The following KCNT2 variants were observed in gnomAD, a reference collection of about 807,000 sequenced individuals.
The protein encoded by KCNT2 is potassium channel subfamily T member 2.
A neutral mutation model predicts 153.8 loss-of-function variants in KCNT2; 67 were observed. The observed-to-expected ratio is 0.44, with a 90% CI of 0.36 to 0.53. KCNT2 has a LOEUF of 0.53. Among genes scored for constraint, KCNT2 ranks in the 20% least tolerant of loss-of-function variants. The pLI is 0.00. For missense variants in KCNT2, 975 were observed against 1,354.8 expected (o/e 0.72, Z 4.40); for synonymous variants, 500 against 458.8 (o/e 1.09, Z -1.15).
chr1:196,308,663 G>A lies in KCNT2; in HGVS notation c.2484-3318C>T, dbSNP rs188388292. ...TTAGTTTATAGATGAGGAAACTGAG[G>A]ACCAAAGAGACAAAATAGTATGTTC... On this transcript the variant is annotated intron_variant, in intron 21 of 27. Coordinates refer to ENST00000294725, the MANE Select transcript of KCNT2 (RefSeq NM_198503.5). Among the ~76,000 whole-genome samples, 3 of 152,022 alleles carry A rather than the reference G, an allele frequency of 2.0e-5. No homozygotes were observed. The South Asian group carries it at 6.2e-4, about 32-fold the overall frequency.
intron 1 of KCNT2, among the ~76,000 whole-genome samples, chr1:196,561,675 A>AAAAAAAAAAG (rs1553254846): frequency 2.7e-5 from 1 of 36,470 alleles, no homozygotes; most frequent in African/African-American, 4.2e-5. Flanking sequence ...AAAAAAAAAA[A>AAAAAAAAAAG]AAGAAGAAGA....
chr1:196,260,840 G>A (rs2147788742), intron 25 of KCNT2, among the ~76,000 whole-genome samples: 1 of 151,790 alleles, frequency 6.6e-6, no homozygotes, highest in East Asian at 1.9e-4. Flanking sequence ...GATAATAACA[G>A]CCATCTTCTA....
At chr1:196,580,606 C>T (rs1661917509) in intron 1 of KCNT2, among the ~76,000 whole-genome samples, 1 of 152,112 alleles carries the variant, frequency 6.6e-6, no homozygotes, top group Non-Finnish European at 1.5e-5. Context: ...ATACTCATTA[C>T]TCAGTTCTGA....
intron 1 of KCNT2, among the ~76,000 whole-genome samples, chr1:196,493,973 A>G (rs1680053499): frequency 6.6e-6 from 1 of 152,204 alleles, no homozygotes; most frequent in South Asian, 2.1e-4. Context: ...GTTCTCTAGA[A>G]GTTCTAAAGA....
chr1:196,360,001 T>A (rs1667489150), intron 14 of KCNT2, among the ~76,000 whole-genome samples: 1 of 152,054 alleles, frequency 6.6e-6, no homozygotes, highest in Non-Finnish European at 1.5e-5. Flanking sequence ...AGCATGGGAC[T>A]GCCAGACAAG....
chr1:196,511,560 A>C (rs1280643318), intron 1 of KCNT2, among the ~76,000 whole-genome samples: 1 of 152,160 alleles, frequency 6.6e-6, no homozygotes, highest in Admixed American at 6.5e-5. Flanking sequence ...TGCTATAGCA[A>C]AATAACATAG....
intron 26 of KCNT2, among the ~76,000 whole-genome samples, chr1:196,251,725 G>A (rs985064019): frequency 6.6e-6 from 1 of 151,742 alleles, no homozygotes; most frequent in Non-Finnish European, 1.5e-5. Flanking sequence ...AATTTATTGT[G>A]CATTTAAAAA....
intron 1 of KCNT2, among the ~76,000 whole-genome samples, chr1:196,500,563 G>A (rs976571611): frequency 6.6e-6 from 1 of 152,128 alleles, no homozygotes; most frequent in African/African-American, 2.4e-5. Context: ...ATAAATAGTG[G>A]GACATGTTTG....
intron 26 of KCNT2, among the ~76,000 whole-genome samples, chr1:196,249,167 C>T (rs1403116888): frequency 2.0e-5 from 3 of 151,974 alleles, no homozygotes; most frequent in South Asian, 4.2e-4. Flanking sequence ...CACAATAAAA[C>T]CATAACAACA....
At chr1:196,353,950 T>C (rs1469522690) in intron 14 of KCNT2, among the ~76,000 whole-genome samples, 4 of 152,054 alleles carry the variant, frequency 2.6e-5, no homozygotes, top group Admixed American at 6.6e-5. Flanking sequence ...GCATACTCTG[T>C]TCTTATTTCA....
chr1:196,284,279 A>ATATATATATATATATACT (rs1659440066), intron 23 of KCNT2, among the ~76,000 whole-genome samples: 1 of 90,706 alleles, frequency 1.1e-5, no homozygotes, highest in Non-Finnish European at 2.5e-5. Context: ...ATATATATAT[A>ATATATATATATATATACT]GTTCTAGTTC....
At chr1:196,351,636 C>T (rs1666709169) in intron 14 of KCNT2, among the ~76,000 whole-genome samples, 2 of 151,916 alleles carry the variant, frequency 1.3e-5, no homozygotes. Flanking sequence ...GATATACAAT[C>T]ATGTCGTCTG....
chr1:196,308,490 C>G (rs1661849742), intron 21 of KCNT2, among the ~76,000 whole-genome samples: 1 of 152,006 alleles, frequency 6.6e-6, no homozygotes, highest in African/African-American at 2.4e-5. Context: ...TTTGCCTACA[C>G]CAAAGTCACA....
intron 1 of KCNT2, among the ~76,000 whole-genome samples, chr1:196,506,649 C>A (rs1004819450): frequency 3.3e-5 from 5 of 152,112 alleles, no homozygotes; most frequent in Admixed American, 2.0e-4. Flanking sequence ...TAAAGATCTG[C>A]CTAATACCAC....
intron 8 of KCNT2, among the ~76,000 whole-genome samples, chr1:196,456,478 T>C (rs1676684850): frequency 6.6e-6 from 1 of 152,042 alleles, no homozygotes; most frequent in Non-Finnish European, 1.5e-5. Flanking sequence ...ATATGTCTTA[T>C]TTCTTTGATT....
intron 13 of KCNT2, among the ~76,000 whole-genome samples, chr1:196,392,805 A>G (rs1670600600): frequency 6.6e-6 from 1 of 151,372 alleles, no homozygotes; most frequent in Non-Finnish European, 1.5e-5. Flanking sequence ...TTATAATGGG[A>G]ATCAAACTCT....
intron 19 of KCNT2, among the ~76,000 whole-genome samples, chr1:196,326,240 T>C (rs533435151): frequency 6.6e-6 from 1 of 152,238 alleles, no homozygotes; most frequent in East Asian, 1.9e-4. Context: ...TATTATGTCA[T>C]AGAATGTATG....
At chr1:196,313,870 A>C (rs1662440523) in intron 21 of KCNT2, among the ~76,000 whole-genome samples, 1 of 151,664 alleles carries the variant, frequency 6.6e-6, no homozygotes, top group Non-Finnish European at 1.5e-5. Context: ...CATAAAAACT[A>C]TATAATTTTT....
intron 1 of KCNT2, among the ~76,000 whole-genome samples, chr1:196,565,307 T>G (rs959145790): frequency 6.6e-6 from 1 of 151,734 alleles, no homozygotes; most frequent in African/African-American, 2.4e-5. Flanking sequence ...TTGGCTAGAA[T>G]GTGGAGAAAG....
Sources: gnomAD v4.1 joint callset for allele counts (sites outside exome capture counted in the v4.1 genomes callset) on GRCh38, gnomAD v4.1.1 for gene constraint, MANE v1.5 for transcripts, NCBI Gene and HGNC (gene_info 2026-07-23, HGNC 2026-07-21) for gene names.